CENPP: variants seen among roughly 807,000 people sequenced by gnomAD.
CENPP encodes the protein centromere protein P.
In CENPP, 24 loss-of-function variants were observed where a neutral mutation model predicts 35.6. That is an observed-to-expected ratio of 0.67 (90% CI 0.49 to 0.95). The LOEUF is 0.95. CENPP is among the 40% of genes least tolerant of loss of function. The probability of loss-of-function intolerance (pLI) is 0.00; values close to 1 mark genes in which losing one functional copy is unlikely to be tolerated. For synonymous variants in CENPP, 120 were observed against 125.5 expected (o/e 0.96, Z 0.29); for missense variants, 332 against 345.3 (o/e 0.96, Z 0.31).
intron 5 of CENPP, among the ~76,000 whole-genome samples, chr9:92,507,931 C>T (rs993749460): frequency 2.0e-5 from 3 of 152,166 alleles, no homozygotes; most frequent in South Asian, 4.1e-4. Context: ...TCACCTTCAC[C>T]GTGCCTGCTT....
intron 5 of CENPP, among the ~76,000 whole-genome samples, chr9:92,551,170 G>A (rs1849579400): frequency 6.6e-6 from 1 of 152,112 alleles, no homozygotes; most frequent in Admixed American, 6.5e-5. Flanking sequence ...AACCCCTCTT[G>A]TCCAGGTTTA....
Position 92,379,765 on chromosome 9 carries a change from C to A in CENPP, c.470C>A (p.Ala157Glu). Reference protein sequence around the residue: ...CSELSEFVSRAEERKDLFMFF... With the variant: ...CSELSEFVSREEERKDLFMFF... Reference sequence around the variant, plus strand: ...CAGAGAATCATTTATTCCTACAGAGCAGAAGAGAGAAAAGATCTGTTCATG... The same window carrying A: ...CAGAGAATCATTTATTCCTACAGAGAAGAAGAGAGAAAAGATCTGTTCATG... Residue 157 changes from alanine to glutamate, a missense_variant and splice_region_variant, in exon 5 of 8, where the codon GCA (alanine) becomes GAA (glutamate). Transcript: ENST00000375587. 1 of 1,600,468 alleles carries A rather than the reference C, an allele frequency of 6.2e-7. No homozygotes were observed. The highest frequency in any genetic ancestry group is 2.2e-5 in the East Asian group (1 of 44,738).
intron 5 of CENPP, among the ~76,000 whole-genome samples, chr9:92,410,608 T>C (rs574035021): frequency 4.6e-5 from 7 of 152,184 alleles, no homozygotes; most frequent in Non-Finnish European, 8.8e-5. Flanking sequence ...AAACCCTTAG[T>C]AGTCTCTCTT....
intron 4 of CENPP, among the ~76,000 whole-genome samples, chr9:92,378,559 G>T (rs1842174087): frequency 6.6e-6 from 1 of 152,078 alleles, no homozygotes; most frequent in Admixed American, 6.5e-5. Context: ...TTTGCTTTAT[G>T]TGCTGTGTTC....
intron 4 of CENPP, among the ~76,000 whole-genome samples, chr9:92,370,556 C>T (rs913203597): frequency 6.6e-6 from 1 of 152,190 alleles, no homozygotes; most frequent in African/African-American, 2.4e-5. Context: ...TCTTGGCTCA[C>T]TGCAACCTCC....
intron 5 of CENPP, among the ~76,000 whole-genome samples, chr9:92,455,821 C>A (rs1438940125): frequency 6.6e-6 from 1 of 152,162 alleles, no homozygotes; most frequent in Non-Finnish European, 1.5e-5. Context: ...CCTGTAATCC[C>A]AGCACTTTGG....
intron 5 of CENPP, chr9:92,416,874 G>A: frequency 6.2e-7 from 1 of 1,613,922 alleles, no homozygotes; most frequent in Non-Finnish European, 8.5e-7. Context: ...GGCAAACCAG[G>A]AGGCATTGAT....
intron 5 of CENPP, among the ~76,000 whole-genome samples, chr9:92,557,032 C>T (rs1163494777): frequency 6.6e-6 from 1 of 152,120 alleles, no homozygotes; most frequent in Non-Finnish European, 1.5e-5. Flanking sequence ...TTAGTAGTGG[C>T]GAATTCTCTC....
chr9:92,464,175 T>C (rs1845218812), intron 5 of CENPP, among the ~76,000 whole-genome samples: 1 of 152,198 alleles, frequency 6.6e-6, no homozygotes, highest in African/African-American at 2.4e-5. Flanking sequence ...AGCAAGACTT[T>C]GAGCAAGAGT....
At chr9:92,410,682 G>A (rs967008885) in intron 5 of CENPP, among the ~76,000 whole-genome samples, 2 of 152,168 alleles carry the variant, frequency 1.3e-5, no homozygotes, top group Non-Finnish European at 2.9e-5. Flanking sequence ...ACTCTGTTTT[G>A]TGTGCCAGGA....
chr9:92,440,531 T>G (rs1481794694), intron 5 of CENPP, among the ~76,000 whole-genome samples: 1 of 152,062 alleles, frequency 6.6e-6, no homozygotes, highest in Non-Finnish European at 1.5e-5. Flanking sequence ...AACTTTTCCC[T>G]TAGTAAAAGT....
chr9:92,348,187 G>T (rs550719383), intron 4 of CENPP, among the ~76,000 whole-genome samples: 2 of 148,248 alleles, frequency 1.3e-5, no homozygotes, highest in Non-Finnish European at 3.0e-5. Context: ...TTGAACTCCC[G>T]ACCTCAAATG....
intron 5 of CENPP, among the ~76,000 whole-genome samples, chr9:92,521,314 T>C (rs901399540): frequency 6.6e-6 from 1 of 152,228 alleles, no homozygotes; most frequent in East Asian, 1.9e-4. Flanking sequence ...AGCTTAGCCA[T>C]CTTTCCACTT....
intron 5 of CENPP, among the ~76,000 whole-genome samples, chr9:92,550,546 G>GTT (rs145987742): frequency 6.8e-6 from 1 of 148,110 alleles, no homozygotes; most frequent in African/African-American, 2.5e-5. Context: ...TCTTAGACCT[G>GTT]TTTTTTTTTT....
rs1179379732 is a variant in CENPP at position 92,345,721 on chromosome 9, C to T, written c.401C>T (p.Ala134Val). ...TAGAATAAGGAGAGATTATCTTCTG[C>T]TGTTACTGACCTCAACATAATAATG... is the stretch of plus-strand genomic sequence containing the variant. Reference protein sequence around the residue: ...EIQNKERLSSAVTDLNIIMEP... With the variant: ...EIQNKERLSSVVTDLNIIMEP... The change falls in exon 4 of 8, where the codon GCT (alanine) becomes GTT (valine). Residue 134 changes from alanine (A) to valine (V), a missense_variant. Ala to Val is a moderately conservative substitution (Grantham distance 64). Coordinates refer to ENST00000375587, the MANE Select transcript of CENPP (RefSeq NM_001012267.3). The T allele has an allele frequency of 6.3e-7, 1 of 1,589,714 alleles. No individual in the cohort carries two copies. Among genetic ancestry groups the T allele is most frequent in the South Asian group, 1.1e-5 (1 of 89,574 alleles).
chr9:92,440,610 C>T (rs1844361845), intron 5 of CENPP, among the ~76,000 whole-genome samples: 1 of 152,152 alleles, frequency 6.6e-6, no homozygotes, highest in Non-Finnish European at 1.5e-5. Flanking sequence ...AAGACCAAAT[C>T]TCCTATCTGT....
chr9:92,540,473 C>A (rs1270625263), intron 5 of CENPP, among the ~76,000 whole-genome samples: 3 of 149,566 alleles, frequency 2.0e-5, no homozygotes, highest in South Asian at 4.2e-4. Context: ...ATAAAAACAT[C>A]TTAAAATAAT....
At chr9:92,568,362 T>C (rs1850050145) in intron 5 of CENPP, among the ~76,000 whole-genome samples, 1 of 152,216 alleles carries the variant, frequency 6.6e-6, no homozygotes, top group Non-Finnish European at 1.5e-5. Flanking sequence ...TGCGATAGTT[T>C]ACTCAGAATG....
intron 5 of CENPP, among the ~76,000 whole-genome samples, chr9:92,520,477 T>C (rs1847998401): frequency 6.6e-6 from 1 of 152,162 alleles, no homozygotes; most frequent in African/African-American, 2.4e-5. Context: ...TTGGCAGGAA[T>C]GTAGAGAAAC....
Sources: allele counts gnomAD v4.1 joint callset (sites outside exome capture counted in the v4.1 genomes callset), GRCh38; gene constraint gnomAD v4.1.1; transcripts MANE v1.5; gene names NCBI Gene and HGNC (gene_info 2026-07-23, HGNC 2026-07-21).